BCL2: variants seen among roughly 807,000 people sequenced by gnomAD.
BCL2 encodes BCL2 apoptosis regulator, also known as apoptosis regulator Bcl-2.
BCL2 carries 1 observed loss-of-function variant against 14.2 expected under a neutral mutation model. The observed-to-expected ratio is 0.07, with a 90% CI of 0.02 to 0.33. The LOEUF (loss-of-function observed/expected upper bound fraction) is 0.33, where lower values mean the gene tolerates loss of function less well. BCL2 is among the 10% of genes least tolerant of loss of function. The pLI is 0.99. For synonymous variants in BCL2, 151 were observed against 137.2 expected (o/e 1.10, Z -0.70); for missense variants, 247 against 305.9 (o/e 0.81, Z 1.44).
intron 2 of BCL2, among the ~76,000 whole-genome samples, chr18:63,216,953 CA>C (rs773240711): frequency 2.6e-5 from 4 of 152,282 alleles, no homozygotes; most frequent in South Asian, 4.1e-4. Flanking sequence ...TAGACACATT[CA>C]GGGGGAGGAT....
At chr18:63,222,109 C>T (rs1337708226) in intron 2 of BCL2, among the ~76,000 whole-genome samples, 1 of 151,656 alleles carries the variant, frequency 6.6e-6, no homozygotes, top group East Asian at 1.9e-4. Flanking sequence ...GGCTAAATCC[C>T]ATTTCAATAC....
intron 2 of BCL2, among the ~76,000 whole-genome samples, chr18:63,288,530 TAGTC>T (rs991051721): frequency 2.0e-4 from 31 of 152,364 alleles, no homozygotes; most frequent in African/African-American, 7.0e-4. Context: ...GACTTGCTAT[TAGTC>T]AGTAGGCACA....
chr18:63,144,073 A>G lies in BCL2; in HGVS notation c.586-15314T>C, dbSNP rs139104887. 8.0e-3 allele frequency among the ~76,000 whole-genome samples: 1,215 copies of G among 152,360 alleles called. 17 individuals are homozygous for G. The highest frequency in any genetic ancestry group is 0.028 in the African/African-American group (1,165 of 41,582). ...CTTCAAGAGAAATTTTAGGTCAAGC[A>G]AATTGCTATTTCCACTGAGGAAACC... On this transcript the variant is annotated intron_variant, in intron 2 of 2. Coordinates refer to ENST00000333681, the MANE Select transcript of BCL2 (RefSeq NM_000633.3).
At chr18:63,192,583 C>T (rs180721685) in intron 2 of BCL2, among the ~76,000 whole-genome samples, 34 of 152,240 alleles carry the variant, frequency 2.2e-4, no homozygotes, top group Admixed American at 2.0e-3. Context: ...GCACGTCTAT[C>T]CCTTGGTGCC....
At chr18:63,204,035 A>G (rs1909770617) in intron 2 of BCL2, among the ~76,000 whole-genome samples, 1 of 152,198 alleles carries the variant, frequency 6.6e-6, no homozygotes, top group Admixed American at 6.5e-5. Context: ...ATCTAGAGAA[A>G]CAGCACCACA....
chr18:63,310,449 T>C (rs1404690259), intron 2 of BCL2, among the ~76,000 whole-genome samples: 1 of 152,188 alleles, frequency 6.6e-6, no homozygotes, highest in Non-Finnish European at 1.5e-5. Context: ...CTCAACATTA[T>C]CTCCGGCATG....
rs965114078 is a variant in BCL2, at chr18:63,234,491, C to T, written c.585+83591G>A. Among the ~76,000 whole-genome samples, 4 of 46,612 alleles carry T rather than the reference C, an allele frequency of 8.6e-5. No individual in the cohort carries two copies. The South Asian group carries it at 2.0e-3, about 24-fold the overall frequency. 30.6% of individuals were successfully genotyped at this position (46,612 alleles called of 152,430 possible). A position where few individuals can be genotyped will look rare whatever the true frequency, so the allele number is the denominator to read the frequency against. On this transcript the variant is annotated intron_variant, in intron 2 of 2. Coordinates refer to ENST00000333681, the MANE Select transcript of BCL2 (RefSeq NM_000633.3). ...ACATTTCCTTTATCTAGTCTATCAC[C>T]GATCATTTCCCCAACATTTCAATCT...
chr18:63,168,453 T>A lies in BCL2; in HGVS notation c.586-39694A>T, dbSNP rs115430923. Reference sequence around the variant, plus strand: ...GGAACTGATCGCCCAGGCCAAATGTTGAGGTGGGGACTGAGGCCCTGGAGG... The same window carrying A: ...GGAACTGATCGCCCAGGCCAAATGTAGAGGTGGGGACTGAGGCCCTGGAGG... On this transcript the variant is annotated intron_variant, in intron 2 of 2. Coordinates refer to ENST00000333681, the MANE Select transcript of BCL2 (RefSeq NM_000633.3). 3.5e-3 allele frequency among the ~76,000 whole-genome samples: 530 copies of A among 152,224 alleles called. 3 individuals carry two copies. The highest frequency in any genetic ancestry group is 0.012 in the African/African-American group (512 of 41,532).
chr18:63,253,362 C>G (rs1281321311), intron 2 of BCL2, among the ~76,000 whole-genome samples: 1 of 152,212 alleles, frequency 6.6e-6, no homozygotes, highest in East Asian at 1.9e-4. Context: ...TGCTGACATG[C>G]TTGGAAAAGA....
intron 2 of BCL2, among the ~76,000 whole-genome samples, chr18:63,273,362 T>C (rs989939112): frequency 1.4e-4 from 21 of 152,200 alleles, no homozygotes; most frequent in African/African-American, 4.6e-4. Flanking sequence ...AGATATGTAA[T>C]ATGCCACCAA....
chr18:63,205,920 A>G (rs1358037268), intron 2 of BCL2, among the ~76,000 whole-genome samples: 1 of 152,184 alleles, frequency 6.6e-6, no homozygotes, highest in African/African-American at 2.4e-5. Flanking sequence ...TTATGAGTTT[A>G]GCATTTCTAA....
intron 2 of BCL2, among the ~76,000 whole-genome samples, chr18:63,221,730 C>T (rs1325792601): frequency 6.6e-6 from 1 of 152,208 alleles, no homozygotes; most frequent in Non-Finnish European, 1.5e-5. Flanking sequence ...TGCCCACTGC[C>T]TCAGAGATAA....
chr18:63,143,897 G>C (rs1036025277), intron 2 of BCL2, among the ~76,000 whole-genome samples: 19 of 152,202 alleles, frequency 1.2e-4, no homozygotes, highest in African/African-American at 4.3e-4. Context: ...GGGAGATAGT[G>C]AGCTTGACTC....
intron 2 of BCL2, among the ~76,000 whole-genome samples, chr18:63,239,812 T>A (rs1910946166): frequency 6.6e-6 from 1 of 151,948 alleles, no homozygotes. Context: ...GTAGTTTTCA[T>A]GCATGGAATC....
chr18:63,238,563 C>T (rs1447148300), intron 2 of BCL2, among the ~76,000 whole-genome samples: 1 of 152,168 alleles, frequency 6.6e-6, no homozygotes, highest in Non-Finnish European at 1.5e-5. Context: ...AATGTTCTGT[C>T]CCCGTTTTAG....
intron 2 of BCL2, among the ~76,000 whole-genome samples, chr18:63,281,801 T>C (rs1487974209): frequency 6.6e-6 from 1 of 152,100 alleles, no homozygotes; most frequent in African/African-American, 2.4e-5. Context: ...GTAAGACATC[T>C]CCACACACCA....
intron 2 of BCL2, among the ~76,000 whole-genome samples, chr18:63,209,159 C>T (rs1332539507): frequency 1.3e-5 from 2 of 152,182 alleles, no homozygotes; most frequent in South Asian, 2.1e-4. Flanking sequence ...TAGGGTCCTT[C>T]GTCAAGGAGA....
rs720849 is a variant in BCL2 at position 63,138,220 on chromosome 18, T to C, written c.586-9461A>G. Reference sequence around the variant, plus strand: ...AAGCCGCACTGGCGGCTGGGAGTGGTGGCCGGCAGAGCACACGCAAGGAAG... The same window carrying C: ...AAGCCGCACTGGCGGCTGGGAGTGGCGGCCGGCAGAGCACACGCAAGGAAG... On this transcript the variant is annotated intron_variant, in intron 2 of 2. Transcript: ENST00000333681. 5.9e-3 allele frequency among the ~76,000 whole-genome samples: 906 copies of C among 152,340 alleles called. 11 individuals are homozygous for C. The highest frequency in any genetic ancestry group is 0.021 in the African/African-American group (872 of 41,572).
intron 2 of BCL2, among the ~76,000 whole-genome samples, chr18:63,258,771 C>T (rs1446178244): frequency 2.0e-5 from 3 of 152,208 alleles, no homozygotes; most frequent in Non-Finnish European, 4.4e-5. Context: ...CACATGCCTA[C>T]CATCTCCATC....
Sources: gnomAD v4.1 joint callset for allele counts (sites outside exome capture counted in the v4.1 genomes callset) on GRCh38, gnomAD v4.1.1 for gene constraint, MANE v1.5 for transcripts, NCBI Gene and HGNC (gene_info 2026-07-23, HGNC 2026-07-21) for gene names.